Variants in LARGE1 observed in about 807,000 individuals in gnomAD.
LARGE1 encodes the protein xylosyl- and glucuronyltransferase LARGE1.
LARGE1 carries 43 observed loss-of-function variants against 87.6 expected under a neutral mutation model. The ratio of observed to expected loss-of-function variants is 0.49; its 90% CI spans 0.38 to 0.63. LARGE1 has a LOEUF of 0.63. Ranked by LOEUF, LARGE1 falls within the 30% of genes least tolerant of loss-of-function variation. LARGE1 has a pLI of 0.00. For missense variants in LARGE1, 802 were observed against 1,000.2 expected (o/e 0.80, Z 2.67); for synonymous variants, 434 against 394.6 (o/e 1.10, Z -1.18).
chr22:33,072,904 C>T, the LARGE1 span, among the ~76,000 whole-genome samples: 20 of 152,264 alleles, frequency 1.3e-4, no homozygotes, highest in South Asian at 1.7e-3. Context: ...ATCTATGAAA[C>T]GCCAGGGCTG....
chr22:33,718,545 T>C (rs898312692), intron 2 of LARGE1, among the ~76,000 whole-genome samples: 1 of 152,248 alleles, frequency 6.6e-6, no homozygotes, highest in Non-Finnish European at 1.5e-5. Flanking sequence ...TCTTATTGGG[T>C]GAAAACAACA....
At chr22:33,395,251 A>G (rs1465727351) in intron 7 of LARGE1, among the ~76,000 whole-genome samples, 3 of 147,378 alleles carry the variant, frequency 2.0e-5, no homozygotes, top group African/African-American at 7.6e-5. Context: ...AAAAAAAGCC[A>G]GGAAAACTAG....
chr22:33,761,334 T>C (rs1476152429), intron 2 of LARGE1, 37 bp downstream of exon 2: 1 of 1,485,362 alleles, frequency 6.7e-7, no homozygotes, highest in Non-Finnish European at 9.4e-7. Flanking sequence ...GTTCCCTTTC[T>C]TCCCTCCTTC....
intron 6 of LARGE1, among the ~76,000 whole-genome samples, chr22:33,460,724 G>A (rs943006533): frequency 2.6e-5 from 4 of 152,134 alleles, no homozygotes; most frequent in Non-Finnish European, 4.4e-5. Context: ...TGAAGAGCAG[G>A]ATTACATAAA....
At chr22:33,097,450 G>A in the LARGE1 span, among the ~76,000 whole-genome samples, 1 of 152,294 alleles carries the variant, frequency 6.6e-6, no homozygotes, top group East Asian at 1.9e-4. Context: ...ACAGCCGTAA[G>A]GTGCACATCC....
chr22:33,171,897 G>T (rs140009349), intron 11 of LARGE1, among the ~76,000 whole-genome samples: 93 of 152,266 alleles, frequency 6.1e-4, no homozygotes, highest in African/African-American at 2.2e-3. Context: ...CCAGACCCCA[G>T]AAAGGTAGAT....
At chr22:33,442,110 G>A (rs2067501419) in intron 6 of LARGE1, among the ~76,000 whole-genome samples, 1 of 152,188 alleles carries the variant, frequency 6.6e-6, no homozygotes, top group Admixed American at 6.5e-5. Context: ...ATGAGAGGAA[G>A]AAAGACGTTG....
chr22:33,878,748 T>C (rs2064564640), intron 1 of LARGE1, among the ~76,000 whole-genome samples: 1 of 152,182 alleles, frequency 6.6e-6, no homozygotes, highest in Non-Finnish European at 1.5e-5. Flanking sequence ...GAGAGGCTTC[T>C]CCAGGCCATC....
intron 11 of LARGE1, among the ~76,000 whole-genome samples, chr22:33,216,801 C>T (rs1925227281): frequency 1.3e-5 from 2 of 152,066 alleles, no homozygotes; most frequent in South Asian, 4.2e-4. Context: ...CTGGGTAAAG[C>T]CCTCAGGCAG....
chr22:33,174,503 A>C (rs2146145985), intron 11 of LARGE1, among the ~76,000 whole-genome samples: 1 of 152,328 alleles, frequency 6.6e-6, no homozygotes, highest in African/African-American at 2.4e-5. Flanking sequence ...GCAGAACCAA[A>C]GGAGATAGAG....
the LARGE1 span, among the ~76,000 whole-genome samples, chr22:33,069,026 A>T: frequency 6.6e-6 from 1 of 152,160 alleles, no homozygotes; most frequent in African/African-American, 2.4e-5. Context: ...GTTACAAAGA[A>T]ACTCTGTGGC....
At chr22:33,665,887 G>A (rs1466666104) in intron 2 of LARGE1, among the ~76,000 whole-genome samples, 4 of 77,286 alleles carry the variant, frequency 5.2e-5, no homozygotes, top group African/African-American at 1.1e-4. Flanking sequence ...GCAAGACCCC[G>A]TCTCAAGAAA....
At chr22:33,551,743 C>G (rs897397903) in intron 6 of LARGE1, among the ~76,000 whole-genome samples, 18 of 152,190 alleles carry the variant, frequency 1.2e-4, no homozygotes, top group African/African-American at 3.9e-4. Flanking sequence ...CCCCTCTACG[C>G]ATCCACAATA....
intron 7 of LARGE1, among the ~76,000 whole-genome samples, chr22:33,402,830 T>C (rs1335707224): frequency 6.6e-6 from 1 of 152,178 alleles, no homozygotes; most frequent in Non-Finnish European, 1.5e-5. Context: ...ATGATGATAC[T>C]GAGAGCTAAC....
the LARGE1 span, chr22:33,105,544 A>G: frequency 6.6e-6 from 1 of 152,030 alleles, no homozygotes; most frequent in Non-Finnish European, 1.5e-5. Flanking sequence ...CCCCGAGAGA[A>G]CTGGAGGGCC....
At chr22:33,267,856 G>C (rs1928034444), downstream of LARGE1, among the ~76,000 whole-genome samples, 1 of 151,474 alleles carries the variant, frequency 6.6e-6, no homozygotes, top group African/African-American at 2.4e-5. Flanking sequence ...AAGTCACTTA[G>C]TTTTACCTAA....
At chr22:33,386,147 T>G (rs934531132) in intron 7 of LARGE1, among the ~76,000 whole-genome samples, 1 of 148,586 alleles carries the variant, frequency 6.7e-6, no homozygotes, top group Non-Finnish European at 1.5e-5. Flanking sequence ...TTTGTTAGGG[T>G]TTTTGCACAT....
chr22:33,390,940 G>A (rs1048918796), intron 7 of LARGE1, among the ~76,000 whole-genome samples: 6 of 152,004 alleles, frequency 3.9e-5, no homozygotes, highest in South Asian at 2.1e-4. Flanking sequence ...CAAGTGATCC[G>A]CCCACCTTGG....
intron 2 of LARGE1, among the ~76,000 whole-genome samples, chr22:33,677,486 T>G (rs2081618608): frequency 6.6e-6 from 1 of 151,998 alleles, no homozygotes; most frequent in Admixed American, 6.5e-5. Flanking sequence ...TATCTCCCCC[T>G]TACCCCTCCC....
Sources: gnomAD v4.1 joint callset for allele counts (sites outside exome capture counted in the v4.1 genomes callset) on GRCh38, gnomAD v4.1.1 for gene constraint, MANE v1.5 for transcripts, NCBI Gene and HGNC (gene_info 2026-07-23, HGNC 2026-07-21) for gene names.